DNAH11: variants seen among roughly 807,000 people sequenced by gnomAD.
DNAH11 encodes the protein axonemal beta dynein heavy chain 11.
Under a neutral mutation model 526.0 loss-of-function variants are expected in DNAH11, and 442 were observed. The ratio of observed to expected loss-of-function variants is 0.84; its 90% CI spans 0.78 to 0.91. The LOEUF (loss-of-function observed/expected upper bound fraction) is 0.91, where lower values mean the gene tolerates loss of function less well. DNAH11 is among the 40% of genes least tolerant of loss of function. The probability of loss-of-function intolerance (pLI) is 0.00; values close to 1 mark genes in which losing one functional copy is unlikely to be tolerated. For synonymous variants in DNAH11, 2,461 were observed against 1,935.9 expected, an observed-to-expected ratio of 1.27 and a Z score of -7.12; for missense variants, 6,989 against 5,448.7, an observed-to-expected ratio of 1.28 and a Z score of -8.90.
intron 48 of DNAH11, among the ~76,000 whole-genome samples, chr7:21,741,047 T>C (rs1423687973): frequency 6.6e-6 from 1 of 152,226 alleles, no homozygotes; most frequent in African/African-American, 2.4e-5. Context: ...TCAAGTCTTG[T>C]GCTTATGTTT....
intron 76 of DNAH11, among the ~76,000 whole-genome samples, chr7:21,889,798 A>C (rs1784266706): frequency 6.6e-6 from 1 of 152,230 alleles, no homozygotes; most frequent in South Asian, 2.1e-4. Context: ...CACTGTGTAG[A>C]GAGCTCTACA....
At chr7:21,890,684 T>C (rs759045156) in intron 76 of DNAH11, among the ~76,000 whole-genome samples, 12 of 152,224 alleles carry the variant, frequency 7.9e-5, no homozygotes, top group Non-Finnish European at 1.8e-4. Flanking sequence ...CTAATAATAA[T>C]GAGTTTAACT....
intron 62 of DNAH11, among the ~76,000 whole-genome samples, chr7:21,805,681 T>A (rs1167302255): frequency 6.6e-6 from 1 of 152,198 alleles, no homozygotes; most frequent in Non-Finnish European, 1.5e-5. Context: ...AAGGGAAAAG[T>A]AGGCCCTACC....
At chr7:21,698,359 A>G in intron 36 of DNAH11, 146 bp downstream of exon 36, 2 of 1,191,402 alleles carry the variant, frequency 1.7e-6, no homozygotes, top group Non-Finnish European at 2.3e-6. Flanking sequence ...TTGGGGGAAC[A>G]GGTGTTTTTT....
intron 80 of DNAH11, among the ~76,000 whole-genome samples, chr7:21,899,777 T>C (rs1784683239): frequency 1.3e-5 from 2 of 152,144 alleles, no homozygotes; most frequent in African/African-American, 2.4e-5. Context: ...GCTGTGACTA[T>C]TCCAATAAAA....
chr7:21,870,360 G>A (rs930304122), intron 73 of DNAH11, among the ~76,000 whole-genome samples: 4 of 152,170 alleles, frequency 2.6e-5, no homozygotes, highest in Admixed American at 2.0e-4. Flanking sequence ...GCTTATGATT[G>A]CAGGAATGTA....
intron 59 of DNAH11, among the ~76,000 whole-genome samples, 184 bp from the exon 60 acceptor site, chr7:21,787,217 A>G (rs967091954): frequency 6.6e-6 from 1 of 152,216 alleles, no homozygotes; most frequent in Non-Finnish European, 1.5e-5. Context: ...AGAGGTTTTA[A>G]AAGTGTCCAT....
rs574427839 is a variant in DNAH11, at chr7:21,707,773, T to C, written c.6621T>C (p.Ala2207=). Residue 2207 remains alanine, a synonymous_variant, in exon 40 of 82, where the codon GCT becomes GCC. Coordinates refer to ENST00000409508, the MANE Select transcript of DNAH11 (RefSeq NM_001277115.2). ...KPVWNDLNPK[A]VTTDELFGFI... ...TTTGGAATGACTTAAACCCTAAAGC[T>C]GTGACAACAGATGAACTCTTTGGTT... 1 of 1,612,680 alleles carries C rather than the reference T, an allele frequency of 6.2e-7. No individual in the cohort carries two copies. Among genetic ancestry groups the C allele is most frequent in the Non-Finnish European group, 8.5e-7 (1 of 1,179,320 alleles).
intron 79 of DNAH11, among the ~76,000 whole-genome samples, chr7:21,895,222 T>C (rs1469045289): frequency 3.9e-5 from 6 of 152,244 alleles, no homozygotes; most frequent in African/African-American, 1.4e-4. Flanking sequence ...TGAAATTCTG[T>C]CGCTCACTCA....
At chr7:21,861,613 G>T (rs1438362976) in intron 68 of DNAH11, among the ~76,000 whole-genome samples, 1 of 152,184 alleles carries the variant, frequency 6.6e-6, no homozygotes, top group African/African-American at 2.4e-5. Context: ...AGAAAATGAT[G>T]CAATTCAATT....
At chr7:21,830,721 T>G (rs976780676) in intron 65 of DNAH11, among the ~76,000 whole-genome samples, 2 of 152,196 alleles carry the variant, frequency 1.3e-5, no homozygotes, top group African/African-American at 2.4e-5. Context: ...TGGCTCTTCT[T>G]GATCTAATAT....
chr7:21,690,787 A>G lies in DNAH11; in HGVS notation c.5947A>G (p.Ile1983Val), dbSNP rs536513593. 9.3e-6 allele frequency: 15 copies of G among 1,609,832 alleles called. No individual in the cohort carries two copies. Among genetic ancestry groups the G allele is most frequent in the Middle Eastern group, 1.7e-4 (1 of 6,058 alleles). ...KKRFVFLGEA[I>V]TLKPSVGIFI... is the part of the protein sequence containing the mutation. Reference sequence around the variant, plus strand: ...TAGATTTGTATTTCTTGGGGAAGCTATCACACTGAAGCCATCAGTTGGAAT... The same window carrying G: ...TAGATTTGTATTTCTTGGGGAAGCTGTCACACTGAAGCCATCAGTTGGAAT... The change falls in exon 35 of 82, where the codon ATC (isoleucine) becomes GTC (valine). Residue 1983 changes from isoleucine (I) to valine (V), a missense_variant. Transcript: ENST00000409508.
intron 12 of DNAH11, among the ~76,000 whole-genome samples, 163 bp downstream of exon 12, chr7:21,589,566 T>C (rs1583506910): frequency 6.6e-6 from 1 of 152,210 alleles, no homozygotes; most frequent in Non-Finnish European, 1.5e-5. Flanking sequence ...GAGATTTGTT[T>C]CTCAAATTCT....
intron 65 of DNAH11, among the ~76,000 whole-genome samples, chr7:21,820,401 T>G (rs2128001829): frequency 6.6e-6 from 1 of 152,350 alleles, no homozygotes; most frequent in South Asian, 2.1e-4. Context: ...GAAAGACTTC[T>G]TGGAAAAAAT....
At chr7:21,738,934 GATGAATAATTATT>G (rs571274657) in intron 47 of DNAH11, 68 bp downstream of exon 47, 577 of 1,262,030 alleles carry the variant, frequency 4.6e-4, no homozygotes, top group Non-Finnish European at 5.7e-4. Context: ...AATTACTATG[GATGAATAATTATT>G]ATGAATAATT....
chr7:21,720,730 A>G lies in DNAH11; in HGVS notation c.7140A>G (p.Leu2380=), dbSNP rs750362710. 1.5e-5 allele frequency: 24 copies of G among 1,569,760 alleles called. No individual in the cohort carries two copies. The highest frequency in any genetic ancestry group is 1.9e-5 in the Admixed American group (1 of 52,512). Residue 2380 remains leucine, a synonymous_variant, in exon 44 of 82, where the codon CTA becomes CTG. Coordinates refer to ENST00000409508, the MANE Select transcript of DNAH11 (RefSeq NM_001277115.2). ...SIPESSLVQT[L]CVLLECLLTP... ...GACTATTTCTTTTTCTTTAGACTCTATGTGTTCTTTTGGAGTGCTTGCTGA... is the reference window on the plus strand; with the variant it reads ...GACTATTTCTTTTTCTTTAGACTCTGTGTGTTCTTTTGGAGTGCTTGCTGA...
At chr7:21,773,683 A>C (rs1244635801) in intron 55 of DNAH11, 83 bp from the exon 56 acceptor site, 1 of 1,048,044 alleles carries the variant, frequency 9.5e-7, no homozygotes, top group African/African-American at 1.9e-5. Context: ...TTTAGAAAAA[A>C]AATGATCATT....
chr7:21,555,323 C>T (rs374069368), intron 2 of DNAH11, among the ~76,000 whole-genome samples: 1 of 152,214 alleles, frequency 6.6e-6, no homozygotes, highest in South Asian at 2.1e-4. Flanking sequence ...AGGGTTGTCA[C>T]TCCAAACCTC....
Position 21,687,204 on chromosome 7 carries a change from C to G in DNAH11, c.5727C>G (p.Ala1909=), listed in dbSNP as rs1235380333. The G allele has an allele frequency of 7.5e-6, 12 of 1,608,742 alleles. No individual in the cohort carries two copies. The highest frequency in any genetic ancestry group is 1.0e-5 in the Non-Finnish European group (12 of 1,177,782). ...AGACCACCAAAGACCTAGGACGTGC[C>G]CTTGGCATGATGGTCTATGTATTCA... The part of the protein sequence containing the change: ...KTETTKDLGR[A]LGMMVYVFNC... Residue 1909 remains alanine (A), a synonymous_variant, in exon 33 of 82, where the codon GCC becomes GCG. Coordinates refer to ENST00000409508, the MANE Select transcript of DNAH11 (RefSeq NM_001277115.2).
Sources: gnomAD v4.1 joint callset for allele counts (sites outside exome capture counted in the v4.1 genomes callset) on GRCh38, gnomAD v4.1.1 for gene constraint, MANE v1.5 for transcripts, NCBI Gene and HGNC (gene_info 2026-07-23, HGNC 2026-07-21) for gene names.